Variants in SGMS1 observed in about 807,000 individuals in gnomAD.
SGMS1 encodes the protein phosphatidylcholine:ceramide cholinephosphotransferase 1.
SGMS1 carries 13 observed loss-of-function variants against 46.2 expected under a neutral mutation model. That is an observed-to-expected ratio of 0.28 (90% confidence interval 0.18 to 0.45). The LOEUF (loss-of-function observed/expected upper bound fraction) is 0.45, where lower values mean the gene tolerates loss of function less well. Ranked by LOEUF, SGMS1 falls within the 20% of genes least tolerant of loss-of-function variation. The pLI is 1.00. For synonymous variants in SGMS1, 203 were observed against 187.8 expected (o/e 1.08, Z -0.66); for missense variants, 324 against 519.9 (o/e 0.62, Z 3.66).
At chr10:50,446,654 A>T (rs563094338) in intron 5 of SGMS1, among the ~76,000 whole-genome samples, 42 of 152,220 alleles carry the variant, frequency 2.8e-4, no homozygotes, top group Non-Finnish European at 5.4e-4. Context: ...CAGGAGCATA[A>T]GCACACTCAG....
intron 3 of SGMS1, among the ~76,000 whole-genome samples, chr10:50,505,632 G>A (rs1564419761): frequency 6.6e-6 from 1 of 152,124 alleles, no homozygotes; most frequent in Non-Finnish European, 1.5e-5. Context: ...AATATGCCAG[G>A]CACTGTTCTA....
chr10:50,339,431 G>A (rs1032101404), intron 7 of SGMS1, among the ~76,000 whole-genome samples: 4 of 152,134 alleles, frequency 2.6e-5, no homozygotes, highest in Non-Finnish European at 5.9e-5. Context: ...GAGGAGTCTG[G>A]TTTCCGATCA....
chr10:50,581,952 T>G lies in SGMS1; in HGVS notation c.-589+8201A>C, dbSNP rs1838438780. 2.6e-5 allele frequency among the ~76,000 whole-genome samples: 4 copies of G among 152,210 alleles called. No homozygotes were observed. The South Asian group carries it at 8.3e-4, about 31-fold the overall frequency. On this transcript the variant is annotated intron_variant, in intron 2 of 10. Coordinates refer to ENST00000361781, the MANE Select transcript of SGMS1 (RefSeq NM_147156.4). The stretch of plus-strand genomic sequence containing the variant: ...AGCCATGATCCATTTATGAAATATC[T>G]GAGACTCCCACATCCTAGGCACAGT...
chr10:50,363,819 A>C lies in SGMS1; in HGVS notation c.-231-19474T>G, dbSNP rs1369860. On this transcript the variant is annotated intron_variant, in intron 6 of 10. Transcript: ENST00000361781. Reference sequence around the variant, plus strand: ...AGCTCACCTCATGCAAAGAGTTTCCAAACAGTTTTATTTGTGCCTACTTTA... The same window carrying C: ...AGCTCACCTCATGCAAAGAGTTTCCCAACAGTTTTATTTGTGCCTACTTTA... 2.0e-5 allele frequency among the ~76,000 whole-genome samples: 3 copies of C among 152,242 alleles called. No homozygotes were observed. In the East Asian group the frequency reaches 5.8e-4, roughly 29 times the overall value.
intron 3 of SGMS1, among the ~76,000 whole-genome samples, chr10:50,475,813 C>T (rs1345397016): frequency 6.6e-6 from 1 of 152,104 alleles, no homozygotes; most frequent in Non-Finnish European, 1.5e-5. Context: ...CCTTCACCTT[C>T]CACCATGATT....
intron 6 of SGMS1, among the ~76,000 whole-genome samples, chr10:50,354,110 CAA>C (rs1453687282): frequency 7.8e-6 from 1 of 128,760 alleles, no homozygotes; most frequent in Non-Finnish European, 1.7e-5. Flanking sequence ...CATATAGAAT[CAA>C]AACAGAGCCC....
At chr10:50,537,458 T>C (rs11819701) in intron 2 of SGMS1, among the ~76,000 whole-genome samples, 4 of 97,000 alleles carry the variant, frequency 4.1e-5, no homozygotes, top group Admixed American at 1.3e-4. Context: ...TATATAGATA[T>C]ATATATATTT....
At chr10:50,491,482 T>C (rs893523253) in intron 3 of SGMS1, among the ~76,000 whole-genome samples, 4 of 152,220 alleles carry the variant, frequency 2.6e-5, no homozygotes, top group African/African-American at 9.7e-5. Context: ...CCCATGCTCA[T>C]CATGGTTGCC....
At chr10:50,417,623 A>C (rs974344612) in intron 6 of SGMS1, among the ~76,000 whole-genome samples, 7 of 152,240 alleles carry the variant, frequency 4.6e-5, no homozygotes, top group African/African-American at 1.7e-4. Flanking sequence ...GCTTCCAACC[A>C]ACCAAAGGAG....
At chr10:50,423,953 T>G (rs1849290238) in intron 6 of SGMS1, among the ~76,000 whole-genome samples, 1 of 152,214 alleles carries the variant, frequency 6.6e-6, no homozygotes, top group Non-Finnish European at 1.5e-5. Context: ...TTCATACACA[T>G]TATTTTACAT....
chr10:50,541,642 G>A (rs572280323), intron 2 of SGMS1, among the ~76,000 whole-genome samples: 64 of 152,234 alleles, frequency 4.2e-4, no homozygotes, highest in Middle Eastern at 3.4e-3. Flanking sequence ...GACAAGACCA[G>A]GGATGGGGCC....
chr10:50,420,762 C>T (rs968426735), intron 6 of SGMS1, among the ~76,000 whole-genome samples: 2 of 152,266 alleles, frequency 1.3e-5, no homozygotes, highest in African/African-American at 4.8e-5. Flanking sequence ...AAACTTAACA[C>T]TGCAGTCTAA....
chr10:50,523,780 A>T (rs1837875860), intron 2 of SGMS1, among the ~76,000 whole-genome samples: 1 of 152,280 alleles, frequency 6.6e-6, no homozygotes. Context: ...AATCAATATT[A>T]GCAAAGAAGA....
At chr10:50,606,125 T>C (rs1838692305) in intron 1 of SGMS1, among the ~76,000 whole-genome samples, 1 of 152,202 alleles carries the variant, frequency 6.6e-6, no homozygotes, top group African/African-American at 2.4e-5. Context: ...ATAAACAAAA[T>C]GTGGTATATC....
intron 6 of SGMS1, among the ~76,000 whole-genome samples, chr10:50,410,447 T>C (rs1002087044): frequency 2.0e-5 from 3 of 152,116 alleles, no homozygotes; most frequent in African/African-American, 7.2e-5. Flanking sequence ...GACATTAAAG[T>C]AAAAACTCGA....
chr10:50,580,604 C>G (rs1215793044), intron 2 of SGMS1, among the ~76,000 whole-genome samples: 1 of 152,130 alleles, frequency 6.6e-6, no homozygotes, highest in Non-Finnish European at 1.5e-5. Flanking sequence ...GAGTGGGCAA[C>G]TATAGGGAGA....
chr10:50,539,728 T>A (rs1838035398), intron 2 of SGMS1, among the ~76,000 whole-genome samples: 1 of 152,194 alleles, frequency 6.6e-6, no homozygotes, highest in South Asian at 2.1e-4. Context: ...AAACTGAATT[T>A]AAAATGAGCA....
At chr10:50,503,959 C>T (rs967020693) in intron 3 of SGMS1, among the ~76,000 whole-genome samples, 5 of 152,210 alleles carry the variant, frequency 3.3e-5, no homozygotes, top group African/African-American at 1.2e-4. Flanking sequence ...GCCAGGCTAG[C>T]TGAGTGATTT....
intron 1 of SGMS1, among the ~76,000 whole-genome samples, chr10:50,620,145 C>T (rs1564446101): frequency 6.6e-6 from 1 of 152,268 alleles, no homozygotes; most frequent in Non-Finnish European, 1.5e-5. Flanking sequence ...GCCCACCCTT[C>T]TCTTTCCCTT....
Sources: gnomAD v4.1 joint callset for allele counts (sites outside exome capture counted in the v4.1 genomes callset) on GRCh38, gnomAD v4.1.1 for gene constraint, MANE v1.5 for transcripts, NCBI Gene and HGNC (gene_info 2026-07-23, HGNC 2026-07-21) for gene names.